PSMD1: variants seen among roughly 807,000 people sequenced by gnomAD.
The protein encoded by PSMD1 is 26S proteasome non-ATPase regulatory subunit 1.
Under a neutral mutation model 119.0 loss-of-function variants are expected in PSMD1, and 18 were observed. That is an observed-to-expected ratio of 0.15 (90% CI 0.10 to 0.22). PSMD1 has a LOEUF of 0.22. Among genes scored for constraint, PSMD1 ranks in the 10% least tolerant of loss-of-function variants. The pLI, the probability that PSMD1 is intolerant of heterozygous loss-of-function variation, is 1.00. For synonymous variants in PSMD1, 374 were observed against 396.6 expected, an observed-to-expected ratio of 0.94 and a Z score of 0.68; for missense variants, 702 against 1,158.5, an observed-to-expected ratio of 0.61 and a Z score of 5.72.
At position 231,170,743 on chromosome 2, in the gene PSMD1, G is replaced by A. The variant is rs745950352; in HGVS notation, c.*9+22G>A. The A allele has an allele frequency of 3.2e-6, 5 of 1,550,892 alleles. No individual in the cohort carries two copies. Among genetic ancestry groups the A allele is most frequent in the Non-Finnish European group, 4.4e-6 (5 of 1,148,970 alleles). ...AGAGGTGCGTGTGCAACAAAATTAT[G>A]AAGGGAAACTTCTTTGTCAATACTT... On this transcript the variant is annotated intron_variant, in intron 24 of 24. Coordinates refer to ENST00000308696, the MANE Select transcript of PSMD1 (RefSeq NM_002807.4). The surrounding 1 kb of genome is among the most constrained non-coding windows in gnomAD (Gnocchi z 4.1).
At chr2:231,125,749 A>G (rs1261780087) in intron 16 of PSMD1, among the ~76,000 whole-genome samples, 4 of 152,220 alleles carry the variant, frequency 2.6e-5, no homozygotes, top group Non-Finnish European at 4.4e-5. Context: ...TATGCTATTT[A>G]AGTTTTCTGT....
At chr2:231,148,948 T>C (rs921315551) in intron 18 of PSMD1, among the ~76,000 whole-genome samples, 1 of 152,132 alleles carries the variant, frequency 6.6e-6, no homozygotes, top group Non-Finnish European at 1.5e-5. Flanking sequence ...GCAAAACCAG[T>C]CCATGAAATA....
intron 17 of PSMD1, among the ~76,000 whole-genome samples, chr2:231,141,965 C>T (rs2125250478): frequency 6.6e-6 from 1 of 152,278 alleles, no homozygotes; most frequent in East Asian, 1.9e-4. Flanking sequence ...TCACTGCAAC[C>T]TCCGCCTCCT....
At chr2:231,144,267 T>G (rs940494353) in intron 17 of PSMD1, among the ~76,000 whole-genome samples, 6 of 150,674 alleles carry the variant, frequency 4.0e-5, no homozygotes, top group Non-Finnish European at 8.9e-5. Context: ...TTTTTTTTTT[T>G]GGAGACAGAG....
chr2:231,138,273 T>C (rs1482153568), intron 16 of PSMD1, among the ~76,000 whole-genome samples: 1 of 152,246 alleles, frequency 6.6e-6, no homozygotes, highest in Non-Finnish European at 1.5e-5. Context: ...CAAGGCTTCT[T>C]TATCAGTTTA....
rs370037308 is a variant in PSMD1, at chr2:231,097,651, C to T, written c.1883+10470C>T. On this transcript the variant is annotated intron_variant, in intron 16 of 24. Coordinates refer to ENST00000308696, the MANE Select transcript of PSMD1 (RefSeq NM_002807.4). ...TACAGTCTACATTTTTATTGTCACC[C>T]ACCAAAATATTGACTCAAATCCTGC... Among the ~76,000 whole-genome samples, 15 of 152,138 alleles carry T rather than the reference C, an allele frequency of 9.9e-5. No individual in the cohort carries two copies. In the South Asian group the frequency reaches 3.1e-3, roughly 32 times the overall value.
intron 19 of PSMD1, among the ~76,000 whole-genome samples, chr2:231,154,257 C>T (rs1025571212): frequency 6.6e-6 from 1 of 151,986 alleles, no homozygotes; most frequent in Non-Finnish European, 1.5e-5. Flanking sequence ...CAAGGTGAAA[C>T]CCTGTCTCTA....
At chr2:231,100,332 G>T (rs548725556) in intron 16 of PSMD1, among the ~76,000 whole-genome samples, 2 of 152,304 alleles carry the variant, frequency 1.3e-5, no homozygotes, top group South Asian at 2.1e-4. Flanking sequence ...TATCCCTGAC[G>T]CACATGGCCC....
intron 22 of PSMD1, 27 bp from the exon 23 acceptor site, chr2:231,165,844 G>T: frequency 1.3e-6 from 2 of 1,532,194 alleles, no homozygotes; most frequent in South Asian, 1.2e-5. Context: ...AACTTCTGTT[G>T]AACTTTTTTT....
At chr2:231,131,244 G>T (rs373991241) in intron 16 of PSMD1, among the ~76,000 whole-genome samples, 18 of 152,220 alleles carry the variant, frequency 1.2e-4, no homozygotes, top group African/African-American at 4.3e-4. Context: ...AGGGTGGTGG[G>T]GCTGGCGGTA....
intron 16 of PSMD1, among the ~76,000 whole-genome samples, chr2:231,099,661 G>A (rs192933124): frequency 1.6e-3 from 244 of 152,204 alleles, no homozygotes; most frequent in African/African-American, 5.5e-3. Flanking sequence ...CTCACCTTTT[G>A]GGGTGAGGCT....
At chr2:231,079,403 A>T (rs78276195) in intron 10 of PSMD1, 133 bp from the exon 11 acceptor site, 1 of 492,662 alleles carries the variant, frequency 2.0e-6, no homozygotes, top group Admixed American at 3.8e-5. Context: ...TAGAATCAGT[A>T]GTAACTTGAG....
At position 231,067,060 on chromosome 2, in the gene PSMD1, T is replaced by C; in HGVS notation, c.459T>C (p.Ile153=). The change falls in exon 5 of 25, where the codon ATT becomes ATC. Residue 153 remains isoleucine (I), a synonymous_variant. Transcript: ENST00000308696. The stretch of plus-strand genomic sequence containing the variant: ...ACAAGTATAAACAGGCTATTGGCAT[T>C]GCTCTGGAGACACGAAGACTGGACG... The part of the protein sequence containing the change: ...DDHKYKQAIG[I]ALETRRLDVF... The C allele has an allele frequency of 6.2e-7, 1 of 1,613,198 alleles. No individual in the cohort carries two copies. The highest frequency in any genetic ancestry group is 1.7e-4 in the Middle Eastern group (1 of 6,060).
intron 9 of PSMD1, among the ~76,000 whole-genome samples, chr2:231,077,929 C>A (rs1694207109): frequency 6.6e-6 from 1 of 152,140 alleles, no homozygotes; most frequent in African/African-American, 2.4e-5. Context: ...AGTCTCCATT[C>A]ATGACAATTT....
intron 16 of PSMD1, among the ~76,000 whole-genome samples, chr2:231,110,534 C>T (rs1488362518): frequency 6.6e-6 from 1 of 152,162 alleles, no homozygotes; most frequent in African/African-American, 2.4e-5. Context: ...CCTCTGGAAT[C>T]CTTGTGTTGT....
intron 21 of PSMD1, among the ~76,000 whole-genome samples, chr2:231,164,330 G>A (rs1470679106): frequency 6.6e-6 from 1 of 152,040 alleles, no homozygotes; most frequent in Non-Finnish European, 1.5e-5. Context: ...CTTTCAAAAT[G>A]GACATAATCA....
intron 2 of PSMD1, among the ~76,000 whole-genome samples, chr2:231,061,520 C>T (rs946548418): frequency 2.6e-5 from 4 of 152,068 alleles, no homozygotes; most frequent in South Asian, 2.1e-4. Flanking sequence ...AACCTCGTTA[C>T]GACACTTGAA....
Position 231,070,043 on chromosome 2 carries a change from T to G in PSMD1, c.529T>G (p.Leu177Val). 6.1e-6 allele frequency: 9 copies of G among 1,475,252 alleles called. No individual in the cohort carries two copies. Among genetic ancestry groups the G allele is most frequent in the Non-Finnish European group, 8.1e-6 (9 of 1,108,428 alleles). The allele number at this position is 1,475,252 out of a possible 1,614,324, so 91.4% of individuals were successfully genotyped here. Residue 177 changes from leucine to valine, a missense_variant, in exon 6 of 25, where the codon TTA (leucine) becomes GTA (valine). Leu to Val is a conservative substitution (Grantham distance 32). This residue lies in a region of PSMD1 where 58 missense variants were observed against 54.0 expected (regional missense o/e 1.07). Coordinates refer to ENST00000308696, the MANE Select transcript of PSMD1 (RefSeq NM_002807.4). ...CTTTCAGAATGATGTCCCAGGAATG[T>G]TAGCTTATAGCCTTAAGCTCTGCAT... ...ILESNDVPGMLAYSLKLCMSL... is the reference protein window; with the variant it reads ...ILESNDVPGMVAYSLKLCMSL...
intron 16 of PSMD1, among the ~76,000 whole-genome samples, chr2:231,093,014 G>C (rs1278654903): frequency 6.6e-6 from 1 of 152,146 alleles, no homozygotes; most frequent in Non-Finnish European, 1.5e-5. Flanking sequence ...CATTAATGAG[G>C]GACCCCACTG....
Sources: gnomAD v4.1 joint callset for allele counts (sites outside exome capture counted in the v4.1 genomes callset) on GRCh38, gnomAD v4.1.1 for gene constraint, gnomAD v4.1.1 regional missense constraint, Gnocchi (gnomAD v3.1) non-coding constraint, MANE v1.5 for transcripts, NCBI Gene and HGNC (gene_info 2026-07-23, HGNC 2026-07-21) for gene names.